The following CACNA2D1 variants were observed in gnomAD, a reference collection of about 807,000 sequenced individuals.
The protein encoded by CACNA2D1 is voltage-dependent calcium channel subunit alpha-2/delta-1.
Under a neutral mutation model 171.5 loss-of-function variants are expected in CACNA2D1, and 53 were observed. That is an observed-to-expected ratio of 0.31 (90% CI 0.25 to 0.39). The LOEUF is 0.39. CACNA2D1 is among the 10% of genes least tolerant of loss of function. The pLI is 1.00. For synonymous variants in CACNA2D1, 442 were observed against 443.1 expected (o/e 1.00, Z 0.03); for missense variants, 903 against 1,299.8 (o/e 0.69, Z 4.69).
At chr7:82,006,818 T>C (rs1308843069) in intron 16 of CACNA2D1, among the ~76,000 whole-genome samples, 1 of 152,124 alleles carries the variant, frequency 6.6e-6, no homozygotes, top group South Asian at 2.1e-4. Flanking sequence ...CTGTTTTCTA[T>C]GGCCACCTTA....
chr7:82,363,254 C>CTTTTTTTTTTTTTTTTTTTTT lies in CACNA2D1; in HGVS notation c.96-13626_96-13606dup, dbSNP rs35419275. Reference sequence around the variant, plus strand: ...CTACCATAGTTTTATTTATTTGTCTCTTTTTTTTTTTTTTTTTTTTTTTTT... The same window carrying CTTTTTTTTTTTTTTTTTTTTT: ...CTACCATAGTTTTATTTATTTGTCTCTTTTTTTTTTTTTTTTTTTTTTTTTTTTTTTTTTTTTTTTTTTTTT... On this transcript the variant is annotated intron_variant, in intron 1 of 38. Coordinates refer to ENST00000356860, the MANE Select transcript of CACNA2D1 (RefSeq NM_000722.4). Among the ~76,000 whole-genome samples the CTTTTTTTTTTTTTTTTTTTTT allele has an allele frequency of 1.1e-4, 7 of 63,432 alleles. 3 individuals are homozygous for CTTTTTTTTTTTTTTTTTTTTT. The highest frequency in any genetic ancestry group is 5.9e-4 in the African/African-American group (7 of 11,946). 41.6% of individuals were successfully genotyped at this position (63,432 alleles called of 152,430 possible). A position where few individuals can be genotyped will look rare whatever the true frequency, so the allele number is the denominator to read the frequency against.
intron 5 of CACNA2D1, among the ~76,000 whole-genome samples, chr7:82,122,856 T>C (rs762672234): frequency 7.9e-5 from 12 of 152,234 alleles, no homozygotes; most frequent in Non-Finnish European, 1.3e-4. Context: ...TATATTATGA[T>C]ACACAAATAT....
chr7:82,122,045 G>A (rs1194795945), intron 5 of CACNA2D1, among the ~76,000 whole-genome samples: 2 of 152,126 alleles, frequency 1.3e-5, no homozygotes, highest in African/African-American at 2.4e-5. Context: ...AAGTCTTCAT[G>A]TATTATTCTA....
At chr7:82,383,199 A>G (rs138268069) in intron 1 of CACNA2D1, among the ~76,000 whole-genome samples, 54 of 152,214 alleles carry the variant, frequency 3.5e-4, no homozygotes, top group African/African-American at 1.3e-3. Context: ...AGACAAGTTT[A>G]CAGAAATTGT....
At chr7:82,387,576 A>C (rs1282065613) in intron 1 of CACNA2D1, among the ~76,000 whole-genome samples, 2 of 152,210 alleles carry the variant, frequency 1.3e-5, no homozygotes, top group Admixed American at 6.5e-5. Context: ...ATATATTGAT[A>C]TGATGTTCTA....
At chr7:82,418,437 G>A (rs1828397197) in intron 1 of CACNA2D1, among the ~76,000 whole-genome samples, 1 of 152,098 alleles carries the variant, frequency 6.6e-6, no homozygotes, top group Non-Finnish European at 1.5e-5. Context: ...GTTAAATATT[G>A]TATTATTTCT....
chr7:82,269,863 T>C (rs752833294), intron 3 of CACNA2D1, among the ~76,000 whole-genome samples: 1 of 152,182 alleles, frequency 6.6e-6, no homozygotes, highest in Non-Finnish European at 1.5e-5. Context: ...AGTGCTTCAG[T>C]AGATGAACAA....
intron 3 of CACNA2D1, among the ~76,000 whole-genome samples, chr7:82,306,533 TA>T (rs1813756412): frequency 6.6e-6 from 1 of 152,164 alleles, no homozygotes; most frequent in South Asian, 2.1e-4. Flanking sequence ...TGTCACAGAT[TA>T]ATGGGTTAGT....
intron 14 of CACNA2D1, among the ~76,000 whole-genome samples, chr7:82,012,862 A>G (rs571808854): frequency 6.6e-6 from 1 of 152,156 alleles, no homozygotes; most frequent in Non-Finnish European, 1.5e-5. Flanking sequence ...AAAAAGGAGT[A>G]GCAATTTTCA....
chr7:82,028,876 T>A (rs932664318), intron 12 of CACNA2D1: 2 of 152,526 alleles, frequency 1.3e-5, no homozygotes, highest in Non-Finnish European at 2.9e-5. Context: ...TGAGATGGAA[T>A]CTACTCCTGG....
At chr7:82,129,094 C>T (rs1790668604) in intron 5 of CACNA2D1, among the ~76,000 whole-genome samples, 1 of 152,134 alleles carries the variant, frequency 6.6e-6, no homozygotes, top group Admixed American at 6.5e-5. Context: ...AAATTTCAGC[C>T]ACTTGTTTTC....
chr7:81,972,188 A>G (rs1328038258), intron 25 of CACNA2D1, among the ~76,000 whole-genome samples: 2 of 151,508 alleles, frequency 1.3e-5, no homozygotes, highest in Non-Finnish European at 3.0e-5. Flanking sequence ...GTATGGTAGC[A>G]TGGCGATTCC....
At chr7:82,357,032 A>G (rs764162812) in intron 1 of CACNA2D1, among the ~76,000 whole-genome samples, 11 of 152,166 alleles carry the variant, frequency 7.2e-5, no homozygotes, top group Non-Finnish European at 1.5e-4. Flanking sequence ...TGAGGCAAAT[A>G]TTTTATTGAA....
At chr7:82,058,104 G>A (rs1445571751) in intron 10 of CACNA2D1, among the ~76,000 whole-genome samples, 2 of 152,070 alleles carry the variant, frequency 1.3e-5, no homozygotes, top group Non-Finnish European at 2.9e-5. Context: ...CAGCTCCTTT[G>A]CATTTGGGGC....
chr7:82,060,368 G>A, intron 10 of CACNA2D1, 60 bp downstream of exon 10: 1 of 1,098,238 alleles, frequency 9.1e-7, no homozygotes, highest in Non-Finnish European at 1.4e-6. Context: ...AGTACCTAAA[G>A]TCAGGAGAAG....
rs185446198 is a variant in CACNA2D1, at chr7:82,101,017, T to C, written c.526+16027A>G. Reference sequence around the variant, plus strand: ...GCTGAAATCTAGAACTTACTATTTATACCAAACACAAATATAGATACAGAT... The same window carrying C: ...GCTGAAATCTAGAACTTACTATTTACACCAAACACAAATATAGATACAGAT... On this transcript the variant is annotated intron_variant, in intron 6 of 38. Transcript: ENST00000356860. Among the ~76,000 whole-genome samples the C allele has an allele frequency of 1.5e-3, 224 of 152,250 alleles. 2 individuals are homozygous for C. The highest frequency in any genetic ancestry group is 0.014 in the East Asian group (75 of 5,182).
intron 5 of CACNA2D1, among the ~76,000 whole-genome samples, chr7:82,118,956 A>C (rs1266564698): frequency 1.3e-5 from 2 of 152,094 alleles, no homozygotes; most frequent in Non-Finnish European, 2.9e-5. Flanking sequence ...AAGCTACTGG[A>C]AACTACTGTT....
At chr7:81,982,387 G>A (rs552111205) in intron 24 of CACNA2D1, among the ~76,000 whole-genome samples, 180 bp downstream of exon 24, 14 of 152,130 alleles carry the variant, frequency 9.2e-5, no homozygotes, top group Admixed American at 3.3e-4. Flanking sequence ...TCGGCCTCTC[G>A]TATTTGAATG....
chr7:82,138,509 C>G (rs1451032996), intron 4 of CACNA2D1, among the ~76,000 whole-genome samples: 3 of 144,446 alleles, frequency 2.1e-5, no homozygotes, highest in Non-Finnish European at 3.0e-5. Context: ...TGCAGTGGCG[C>G]GATCTCGGCT....
Sources: allele counts gnomAD v4.1 joint callset (sites outside exome capture counted in the v4.1 genomes callset), GRCh38; gene constraint gnomAD v4.1.1; transcripts MANE v1.5; gene names NCBI Gene and HGNC (gene_info 2026-07-23, HGNC 2026-07-21).